RIPOR2: variants seen among roughly 807,000 people sequenced by gnomAD.
The protein encoded by RIPOR2 is rho family-interacting cell polarization regulator 2.
A neutral mutation model predicts 114.5 loss-of-function variants in RIPOR2; 39 were observed. The ratio of observed to expected loss-of-function variants is 0.34; its 90% CI spans 0.26 to 0.44. The LOEUF (loss-of-function observed/expected upper bound fraction) is 0.44, where lower values mean the gene tolerates loss of function less well. Ranked by LOEUF, RIPOR2 falls within the 20% of genes least tolerant of loss-of-function variation. The probability of loss-of-function intolerance (pLI) is 1.00; values close to 1 mark genes in which losing one functional copy is unlikely to be tolerated. For synonymous variants in RIPOR2, 445 were observed against 484.4 expected, an observed-to-expected ratio of 0.92 and a Z score of 1.07; for missense variants, 1,007 against 1,255.1, an observed-to-expected ratio of 0.80 and a Z score of 2.99.
intron 1 of RIPOR2, among the ~76,000 whole-genome samples, chr6:25,018,536 T>G (rs1169172513): frequency 6.6e-6 from 1 of 152,178 alleles, no homozygotes; most frequent in African/African-American, 2.4e-5. Context: ...CCTCACCCCT[T>G]CCAACAAACA....
chr6:24,859,142 C>T (rs1162860145), intron 8 of RIPOR2, among the ~76,000 whole-genome samples: 2 of 152,156 alleles, frequency 1.3e-5, no homozygotes, highest in African/African-American at 4.8e-5. Context: ...GTCATTTAGC[C>T]TCTCTAGGCC....
At chr6:24,948,445 C>T (rs966599680) in intron 1 of RIPOR2, 9 of 152,246 alleles carry the variant, frequency 5.9e-5, no homozygotes, top group African/African-American at 2.4e-5. Flanking sequence ...AGCCCAGATT[C>T]CTCTCCTTCA....
upstream of RIPOR2, chr6:25,042,034 AC>A (rs1329133114): frequency 9.6e-4 from 417 of 433,362 alleles, no homozygotes; most frequent in African/African-American, 9.1e-3. Flanking sequence ...AGAAAACTTA[AC>A]CCCCCCCTTT....
intron 12 of RIPOR2, among the ~76,000 whole-genome samples, chr6:24,846,301 CTTTTTTTTTTTT>C (rs1233193249): frequency 4.4e-5 from 4 of 91,722 alleles, no homozygotes; most frequent in Admixed American, 1.5e-4. Context: ...TTTCACCTGC[CTTTTTTTTTTTT>C]TTTTTTTTTT....
intron 1 of RIPOR2, among the ~76,000 whole-genome samples, chr6:25,020,211 C>A (rs781198565): frequency 4.3e-4 from 66 of 152,052 alleles, no homozygotes; most frequent in Non-Finnish European, 7.6e-4. Flanking sequence ...CCAAGTAAGT[C>A]ATTTATAATA....
chr6:24,926,301 G>GATACATACGGTTAAAGATATGC (rs1770856448), intron 1 of RIPOR2, among the ~76,000 whole-genome samples: 1 of 152,194 alleles, frequency 6.6e-6, no homozygotes, highest in East Asian at 1.9e-4. Flanking sequence ...TACTGTTAAA[G>GATACATACGGTTAAAGATATGC]ATACGGTTAA....
intron 1 of RIPOR2, among the ~76,000 whole-genome samples, chr6:24,955,520 A>C (rs914882860): frequency 1.3e-5 from 2 of 150,636 alleles, no homozygotes; most frequent in Non-Finnish European, 3.0e-5. Flanking sequence ...TCCCCCCACT[A>C]TTTCAAAGCT....
Position 24,875,552 on chromosome 6 carries a change from C to T in RIPOR2, c.188+139G>A, listed in dbSNP as rs2255339. On this transcript the variant is annotated intron_variant, in intron 2 of 21. Coordinates refer to ENST00000643898, the MANE Select transcript of RIPOR2 (RefSeq NM_001286445.3). ...TATAGCACTTAATTTTTAGTACATC[C>T]TTTCCATGAAAAAGATTAAAATGGG... 150,710 of 749,884 alleles carry T rather than the reference C, an allele frequency of 0.2. 16,505 individuals are homozygous for T. The highest frequency in any genetic ancestry group is 0.37 in the African/African-American group (20,718 of 56,176). 46.5% of individuals were successfully genotyped at this position (749,884 alleles called of 1,614,324 possible).
At chr6:25,039,019 A>G (rs1777365306) in intron 1 of RIPOR2, among the ~76,000 whole-genome samples, 1 of 152,242 alleles carries the variant, frequency 6.6e-6, no homozygotes, top group African/African-American at 2.4e-5. Flanking sequence ...TCCTATCGCC[A>G]TTCAAGGTCC....
intron 17 of RIPOR2, among the ~76,000 whole-genome samples, chr6:24,829,275 T>C (rs1760460242): frequency 1.3e-5 from 2 of 151,814 alleles, no homozygotes; most frequent in Non-Finnish European, 2.9e-5. Context: ...GATCGCGCCA[T>C]TGCACTCCGG....
At position 24,875,725 on chromosome 6, in the gene RIPOR2, C is replaced by A. The variant is rs1401141559; in HGVS notation, c.154G>T (p.Ala52Ser). ...CTTTCCTGGAGGCCGCTGAAACCCG[C>A]AAAGGACTGGCTTCTAATGATCCCA... ...PNGIIRSQSF[A>S]GFSGLQERRS... Residue 52 changes from alanine to serine, a missense_variant, in exon 2 of 22, where the codon GCG becomes TCG. Transcript: ENST00000643898. 3 of 1,613,658 alleles carry A rather than the reference C, an allele frequency of 1.9e-6. No individual in the cohort carries two copies. In the Admixed American group the frequency reaches 5.0e-5, roughly 27 times the overall value.
chr6:25,029,411 G>GA (rs71544610), intron 1 of RIPOR2, among the ~76,000 whole-genome samples: 5,667 of 90,596 alleles, frequency 0.063, 568 homozygotes, highest in African/African-American at 0.21. Context: ...TCTCAAAAAA[G>GA]AAAAAAAAAA....
upstream of RIPOR2, among the ~76,000 whole-genome samples, chr6:24,938,381 C>T (rs138314602): frequency 7.2e-5 from 11 of 152,300 alleles, no homozygotes; most frequent in African/African-American, 2.6e-4. Flanking sequence ...AACACCTTGA[C>T]CTTGGACTTC....
At chr6:24,842,310 G>A (rs1300273274) in intron 13 of RIPOR2, among the ~76,000 whole-genome samples, 1 of 152,146 alleles carries the variant, frequency 6.6e-6, no homozygotes, top group Non-Finnish European at 1.5e-5. Flanking sequence ...TATGGATTGA[G>A]GGTATCCCTG....
intron 17 of RIPOR2, among the ~76,000 whole-genome samples, chr6:24,828,579 A>T (rs913917570): frequency 6.6e-6 from 1 of 152,140 alleles, no homozygotes; most frequent in Non-Finnish European, 1.5e-5. Flanking sequence ...GGTTTTGCAC[A>T]TGTGCACACC....
chr6:24,830,585 C>T lies in RIPOR2; in HGVS notation c.2430G>A (p.Ala810=), dbSNP rs541774937. The T allele has an allele frequency of 1.2e-4, 182 of 1,551,460 alleles. No homozygotes were observed. The Admixed American group carries it at 1.5e-3, about 13-fold the overall frequency. ...CSPVGVYHSP[A]DRVMKQLEAS... ...CCTCCAGCTGCTTCATCACTCTGTC[C>T]GCTGGGCTGTGGTAGACACCAACAG... Residue 810 remains alanine, a synonymous_variant, in exon 17 of 22, where the codon GCG becomes GCA. Transcript: ENST00000643898.
rs1325200855 is a variant in RIPOR2, at chr6:24,830,500, GC to G, written c.2506+8del. On this transcript the variant is annotated splice_region_variant and intron_variant, in intron 17 of 21. Transcript: ENST00000643898. ...GGACAGAAATTCTCTCTCTACTGCTGCCTCATACCTGGGTCTGCAAGTCCTG... is the reference window on the plus strand; with the variant it reads ...GGACAGAAATTCTCTCTCTACTGCTGCTCATACCTGGGTCTGCAAGTCCTG... 23 of 1,546,980 alleles carry G rather than the reference GC, an allele frequency of 1.5e-5. No homozygotes were observed. Among genetic ancestry groups the G allele is most frequent in the Non-Finnish European group, 2.0e-5 (23 of 1,145,338 alleles).
At chr6:24,893,437 T>C (rs1431028436) in intron 1 of RIPOR2, among the ~76,000 whole-genome samples, 1 of 152,176 alleles carries the variant, frequency 6.6e-6, no homozygotes, top group Non-Finnish European at 1.5e-5. Flanking sequence ...ATGGGGGACA[T>C]AGACTGTAGG....
chr6:25,034,624 C>A (rs971793582), intron 1 of RIPOR2, among the ~76,000 whole-genome samples: 2 of 152,200 alleles, frequency 1.3e-5, no homozygotes, highest in Admixed American at 1.3e-4. Flanking sequence ...AACAAACAAC[C>A]TGAGAATTAC....
Sources: gnomAD v4.1 joint callset for allele counts (sites outside exome capture counted in the v4.1 genomes callset) on GRCh38, gnomAD v4.1.1 for gene constraint, MANE v1.5 for transcripts, NCBI Gene and HGNC (gene_info 2026-07-23, HGNC 2026-07-21) for gene names.